The following UNC5B variants were observed in gnomAD, a reference collection of about 807,000 sequenced individuals.
UNC5B encodes unc-5 netrin receptor B.
In UNC5B, 56 loss-of-function variants were observed where a neutral mutation model predicts 103.7. The ratio of observed to expected loss-of-function variants is 0.54; its 90% CI spans 0.44 to 0.67. UNC5B has a LOEUF of 0.67. Among genes scored for constraint, UNC5B ranks in the 30% least tolerant of loss-of-function variants. The pLI, the probability that UNC5B is intolerant of heterozygous loss-of-function variation, is 0.00. For missense variants in UNC5B, 1,194 were observed against 1,284.5 expected (o/e 0.93, Z 1.08); for synonymous variants, 577 against 542.0 (o/e 1.06, Z -0.90).
chr10:71,222,423 A>C (rs1313409367), intron 1 of UNC5B, among the ~76,000 whole-genome samples: 4 of 152,114 alleles, frequency 2.6e-5, no homozygotes, highest in African/African-American at 9.7e-5. Flanking sequence ...CACCACCTTC[A>C]CCAGGTGCTG....
chr10:71,252,912 G>A (rs926848779), intron 1 of UNC5B, among the ~76,000 whole-genome samples: 4 of 152,130 alleles, frequency 2.6e-5, no homozygotes, highest in African/African-American at 9.7e-5. Flanking sequence ...GGGAGGTGAG[G>A]CTTGAGGGTT....
In UNC5B at chr10:71,293,710, C is replaced by T. The variant is rs766176669; in HGVS notation, c.1952C>T (p.Thr651Ile). 4 of 1,590,864 alleles carry T rather than the reference C, an allele frequency of 2.5e-6. No individual in the cohort carries two copies. Among genetic ancestry groups the T allele is most frequent in the Non-Finnish European group, 3.4e-6 (4 of 1,168,344 alleles). ...TGCTGTCCCCTACAGGAGGTGGTGA[C>T]CCTGGATGAGGAGACCCTGAACACA... ...AHQGHWEEVV[T>I]LDEETLNTPC... is the part of the protein sequence containing the mutation. Residue 651 changes from threonine to isoleucine, a missense_variant, in exon 13 of 17, where the codon ACC (threonine) becomes ATC (isoleucine). Thr to Ile is a moderately conservative substitution (Grantham distance 89). Transcript: ENST00000335350.
intron 13 of UNC5B, among the ~76,000 whole-genome samples, chr10:71,295,171 G>A (rs775085359): frequency 1.3e-5 from 2 of 152,254 alleles, no homozygotes; most frequent in Non-Finnish European, 2.9e-5. Context: ...CCTGGCTTGA[G>A]ATGCCAGTGG....
intron 1 of UNC5B, among the ~76,000 whole-genome samples, chr10:71,267,742 T>C (rs955822909): frequency 2.0e-4 from 30 of 152,224 alleles, no homozygotes; most frequent in Admixed American, 6.5e-4. Context: ...TTGAAGTGCA[T>C]CTGTGCAGCC....
chr10:71,286,516 C>T (rs1367392136), intron 4 of UNC5B, among the ~76,000 whole-genome samples, 173 bp from the exon 5 acceptor site: 2 of 152,174 alleles, frequency 1.3e-5, no homozygotes, highest in Non-Finnish European at 2.9e-5. Context: ...GACCACCCAG[C>T]TGGCAAATGG....
At chr10:71,275,069 G>A (rs1205362595) in intron 1 of UNC5B, among the ~76,000 whole-genome samples, 1 of 152,200 alleles carries the variant, frequency 6.6e-6, no homozygotes, top group African/African-American at 2.4e-5. Context: ...CCCCAGCTGG[G>A]ATGCAAACCC....
At chr10:71,297,858 G>A in intron 15 of UNC5B, 51 bp from the exon 16 acceptor site, 2 of 1,550,904 alleles carry the variant, frequency 1.3e-6, no homozygotes, top group African/African-American at 1.4e-5. Flanking sequence ...GAGGCTGGAG[G>A]GCAGATGCCC....
chr10:71,293,752 T>C lies in UNC5B; in HGVS notation c.1994T>C (p.Leu665Pro), dbSNP rs1198023919. ...ETLNTPCYCQ[L>P]EPRACHILLD... ...CTGAACACACCCTGCTACTGCCAGC[T>C]GGAGCCCAGGGCCTGTCACATCCTG... Residue 665 changes from leucine to proline, a missense_variant, in exon 13 of 17, where the codon CTG (leucine) becomes CCG (proline). Coordinates refer to ENST00000335350, the MANE Select transcript of UNC5B (RefSeq NM_170744.5). 3 of 1,596,206 alleles carry C rather than the reference T, an allele frequency of 1.9e-6. No individual in the cohort carries two copies. Among genetic ancestry groups the C allele is most frequent in the Non-Finnish European group, 2.6e-6 (3 of 1,171,264 alleles).
At chr10:71,239,702 G>T (rs1843853528) in intron 1 of UNC5B, among the ~76,000 whole-genome samples, 1 of 151,968 alleles carries the variant, frequency 6.6e-6, no homozygotes, top group Admixed American at 6.5e-5. Flanking sequence ...CGGGCAGTGG[G>T]CACACACCCC....
intron 1 of UNC5B, among the ~76,000 whole-genome samples, chr10:71,224,528 CT>C (rs1213098935): frequency 1.3e-5 from 2 of 152,156 alleles, no homozygotes; most frequent in Non-Finnish European, 2.9e-5. Context: ...AGCTAATCTG[CT>C]TTGTGACATT....
chr10:71,285,269 A>G, intron 3 of UNC5B, 57 bp from the exon 4 acceptor site: 1 of 1,513,166 alleles, frequency 6.6e-7, no homozygotes, highest in Non-Finnish European at 9.0e-7. Context: ...AGTGTAGCAC[A>G]TCAGGTTCTG....
At chr10:71,290,089 T>C (rs1228113150) in intron 8 of UNC5B, among the ~76,000 whole-genome samples, 1 of 152,216 alleles carries the variant, frequency 6.6e-6, no homozygotes, top group Non-Finnish European at 1.5e-5. Context: ...AACTTATACT[T>C]AGCTTAATTA....
intron 1 of UNC5B, among the ~76,000 whole-genome samples, chr10:71,221,722 T>C (rs372568150): frequency 5.3e-5 from 8 of 152,100 alleles, no homozygotes; most frequent in African/African-American, 1.4e-4. Context: ...TGAGCCAAGA[T>C]GTGTGTGTCT....
intron 1 of UNC5B, among the ~76,000 whole-genome samples, chr10:71,279,486 G>T (rs374184088): frequency 2.0e-4 from 31 of 152,192 alleles, no homozygotes; most frequent in Non-Finnish European, 4.1e-4. Flanking sequence ...GTTGTGGGGG[G>T]GCCCAAGGGG....
Position 71,213,103 on chromosome 10 carries a change from AC to A in UNC5B, c.79+42del. The stretch of plus-strand genomic sequence containing the variant: ...GGGTCTGGGGGCGCGGGGCTAGGGG[AC>A]CCTTGCGCCTCACTCTGTCCTGAAG... On this transcript the variant is annotated intron_variant, in intron 1 of 16. Transcript: ENST00000335350. The surrounding 1 kb of genome is among the most constrained non-coding windows in gnomAD (Gnocchi z 4.1). 7 of 1,257,596 alleles carry A rather than the reference AC, an allele frequency of 5.6e-6. No homozygotes were observed. In the African/African-American group the frequency reaches 6.1e-5, roughly 11 times the overall value. 77.9% of individuals were successfully genotyped at this position (1,257,596 alleles called of 1,614,324 possible). A position where few individuals can be genotyped will look rare whatever the true frequency, so the allele number is the denominator to read the frequency against.
chr10:71,261,409 G>A (rs1038781758), intron 1 of UNC5B, among the ~76,000 whole-genome samples: 1 of 152,156 alleles, frequency 6.6e-6, no homozygotes, highest in African/African-American at 2.4e-5. Context: ...TGACTCTATA[G>A]CCCTTGCACA....
intron 1 of UNC5B, among the ~76,000 whole-genome samples, chr10:71,258,524 G>A (rs750392145): frequency 3.9e-5 from 6 of 152,122 alleles, no homozygotes; most frequent in Non-Finnish European, 1.5e-5. Flanking sequence ...GAGCTGTGTG[G>A]CCAGCTCTCT....
In UNC5B at chr10:71,284,956, C is replaced by T. The variant is rs919136883; in HGVS notation, c.448+93C>T. 17 of 1,496,254 alleles carry T rather than the reference C, an allele frequency of 1.1e-5. No individual in the cohort carries two copies. The Middle Eastern group carries it at 2.0e-3, about 173-fold the overall frequency. 92.7% of individuals were successfully genotyped at this position (1,496,254 alleles called of 1,614,324 possible). On this transcript the variant is annotated intron_variant, in intron 3 of 16. Coordinates refer to ENST00000335350, the MANE Select transcript of UNC5B (RefSeq NM_170744.5). ...GAACTTCACATCTGTGGGGCCTCCT[C>T]CAGCATCCCTGGCTGAGGATGCCCA... is the stretch of plus-strand genomic sequence containing the variant.
chr10:71,286,681 T>C lies in UNC5B; in HGVS notation c.553-8T>C. Reference sequence around the variant, plus strand: ...GCCCTCACTGCCCCCTCACCCCCACTCTTGCAGGTGGAATGGCTCAAGAAT... The same window carrying C: ...GCCCTCACTGCCCCCTCACCCCCACCCTTGCAGGTGGAATGGCTCAAGAAT... On this transcript the variant is annotated splice_region_variant and splice_polypyrimidine_tract_variant and intron_variant, in intron 4 of 16. Transcript: ENST00000335350. 1 of 1,613,808 alleles carries C rather than the reference T, an allele frequency of 6.2e-7. No individual in the cohort carries two copies. The highest frequency in any genetic ancestry group is 8.5e-7 in the Non-Finnish European group (1 of 1,179,840).
Sources: allele counts gnomAD v4.1 joint callset (sites outside exome capture counted in the v4.1 genomes callset), GRCh38; gene constraint gnomAD v4.1.1; non-coding constraint Gnocchi (gnomAD v3.1); transcripts MANE v1.5; gene names NCBI Gene and HGNC (gene_info 2026-07-23, HGNC 2026-07-21).